RCAN1: variants seen among roughly 807,000 people sequenced by gnomAD.
The protein encoded by RCAN1 is regulator of calcineurin 1, also known as calcipressin-1.
A neutral mutation model predicts 22.9 loss-of-function variants in RCAN1; 11 were observed. That is an observed-to-expected ratio of 0.48 (90% CI 0.30 to 0.79). The LOEUF (loss-of-function observed/expected upper bound fraction) is 0.79. Among genes scored for constraint, RCAN1 ranks in the 30% least tolerant of loss-of-function variants. The probability of loss-of-function intolerance (pLI) is 0.06; values close to 1 mark genes in which losing one functional copy is unlikely to be tolerated. For missense variants in RCAN1, 291 were observed against 337.8 expected, an observed-to-expected ratio of 0.86 and a Z score of 1.09; for synonymous variants, 136 against 142.3, an observed-to-expected ratio of 0.96 and a Z score of 0.32.
intron 1 of RCAN1, among the ~76,000 whole-genome samples, chr21:34,533,555 CATTT>C (rs1444053423): frequency 3.3e-5 from 5 of 152,248 alleles, no homozygotes; most frequent in Admixed American, 1.3e-4. Context: ...TTTATTCATT[CATTT>C]GTCTAAACAC....
chr21:34,574,814 G>C (rs1438722405), intron 1 of RCAN1, among the ~76,000 whole-genome samples: 2 of 152,214 alleles, frequency 1.3e-5, no homozygotes, highest in Non-Finnish European at 2.9e-5. Context: ...TCAGAAGCTA[G>C]ACCTACTCAG....
chr21:34,582,573 C>T (rs946586825), intron 1 of RCAN1, among the ~76,000 whole-genome samples: 1 of 152,246 alleles, frequency 6.6e-6, no homozygotes, highest in Middle Eastern at 3.4e-3. Flanking sequence ...CAGAGTAGCC[C>T]AGCTGTGGTA....
Position 34,614,871 on chromosome 21 carries a change from G to T in RCAN1, c.141C>A (p.Gly47=). 1 of 1,460,698 alleles carries T rather than the reference G, an allele frequency of 6.8e-7. No individual in the cohort carries two copies. 90.5% of individuals were successfully genotyped at this position (1,460,698 alleles called of 1,614,324 possible). The change falls in exon 1 of 4, where the codon GGC becomes GGA. Residue 47 remains glycine, a synonymous_variant. Transcript: ENST00000313806. This position sits in a 1 kb window ranked among gnomAD's most constrained non-coding sequence, Gnocchi z 6.0. ...TCTCGCAGTCAATGAAGCTCCAGTC[G>T]CCGCCGCCCTCGTCCGCCTCGGCCG... The part of the protein sequence containing the change: ...SGAAEADEGG[G]DWSFIDCEME...
chr21:34,599,457 G>A (rs2284607), intron 1 of RCAN1, among the ~76,000 whole-genome samples: 8,947 of 152,308 alleles, frequency 0.059, 346 homozygotes, highest in East Asian at 0.16. Flanking sequence ...CTGGGCGACA[G>A]AGTGAGACTG....
chr21:34,527,317 T>C (rs1161750193), intron 1 of RCAN1, among the ~76,000 whole-genome samples: 3 of 121,656 alleles, frequency 2.5e-5, no homozygotes, highest in Non-Finnish European at 5.5e-5. Flanking sequence ...TGGAATTTCC[T>C]GAAAACCTCA....
At chr21:34,585,567 T>C (rs1420805658) in intron 1 of RCAN1, among the ~76,000 whole-genome samples, 5 of 151,482 alleles carry the variant, frequency 3.3e-5, no homozygotes, top group South Asian at 2.1e-4. Flanking sequence ...CACGGTGAAA[T>C]CCCGTCTCCA....
intron 1 of RCAN1, among the ~76,000 whole-genome samples, chr21:34,536,369 T>G (rs186365039): frequency 1.2e-4 from 18 of 152,340 alleles, no homozygotes; most frequent in African/African-American, 4.1e-4. Context: ...GGCACAGCAC[T>G]GCAGCAGCAA....
chr21:34,519,077 T>C (rs1207714369), intron 3 of RCAN1, among the ~76,000 whole-genome samples: 1 of 152,186 alleles, frequency 6.6e-6, no homozygotes, highest in African/African-American at 2.4e-5. Context: ...TTATTCTGCT[T>C]CCCTGTGCAC....
intron 1 of RCAN1, among the ~76,000 whole-genome samples, chr21:34,538,465 ACCACAGCTACTG>A (rs1436116872): frequency 7.1e-6 from 1 of 141,252 alleles, no homozygotes; most frequent in African/African-American, 2.9e-5. Flanking sequence ...ACTGTGATCA[ACCACAGCTACTG>A]CCAACTCCCC....
At chr21:34,539,018 A>T (rs187637440) in intron 1 of RCAN1, among the ~76,000 whole-genome samples, 89 of 152,258 alleles carry the variant, frequency 5.8e-4, no homozygotes, top group Non-Finnish European at 9.4e-4. Flanking sequence ...TGCTTATTCC[A>T]CTCCAAATCA....
chr21:34,605,919 CAGAAAA>C (rs763312334), intron 1 of RCAN1, among the ~76,000 whole-genome samples: 2 of 135,872 alleles, frequency 1.5e-5, no homozygotes, highest in East Asian at 2.2e-4. Context: ...GACTCGGTCT[CAGAAAA>C]AAAAAAAAAA....
intron 1 of RCAN1, among the ~76,000 whole-genome samples, chr21:34,568,389 TG>T (rs543167455): frequency 8.2e-4 from 125 of 152,356 alleles, no homozygotes; most frequent in Middle Eastern, 3.4e-3. Flanking sequence ...TGACCTCAAA[TG>T]TTTTTTTAAC....
chr21:34,578,699 T>C (rs1179472384), intron 1 of RCAN1, among the ~76,000 whole-genome samples: 1 of 152,160 alleles, frequency 6.6e-6, no homozygotes, highest in Non-Finnish European at 1.5e-5. Flanking sequence ...TCCTGAACTT[T>C]GTGGGTTCTC....
chr21:34,582,802 G>A (rs140115440), intron 1 of RCAN1, among the ~76,000 whole-genome samples: 7 of 152,278 alleles, frequency 4.6e-5, no homozygotes, highest in African/African-American at 7.2e-5. Context: ...AGGCTTCCGC[G>A]ATAACACAGG....
At chr21:34,605,919 C>A (rs62211944) in intron 1 of RCAN1, among the ~76,000 whole-genome samples, 1 of 135,874 alleles carries the variant, frequency 7.4e-6, no homozygotes, top group African/African-American at 2.8e-5. Flanking sequence ...GACTCGGTCT[C>A]AGAAAAAAAA....
At position 34,614,499 on chromosome 21, in the gene RCAN1, C is replaced by T. The variant is rs931272262; in HGVS notation, c.252+261G>A. 4 of 1,041,800 alleles carry T rather than the reference C, an allele frequency of 3.8e-6. No individual in the cohort carries two copies. The African/African-American group carries it at 6.8e-5, about 18-fold the overall frequency. 64.5% of individuals were successfully genotyped at this position (1,041,800 alleles called of 1,614,324 possible). ...GAATTCACCCCCCTAGTCGCACCAGCCTGGGCGCACACGGGGGCCGGGGCG... is the reference window on the plus strand; with the variant it reads ...GAATTCACCCCCCTAGTCGCACCAGTCTGGGCGCACACGGGGGCCGGGGCG... On this transcript the variant is annotated intron_variant, in intron 1 of 3. Transcript: ENST00000313806. The surrounding 1 kb of genome is among the most constrained non-coding windows in gnomAD (Gnocchi z 6.0).
chr21:34,540,200 T>C (rs1000003308), intron 1 of RCAN1, among the ~76,000 whole-genome samples: 2 of 152,144 alleles, frequency 1.3e-5, no homozygotes, highest in Non-Finnish European at 2.9e-5. Flanking sequence ...TATAAGGCCT[T>C]CCCAGAGAAT....
chr21:34,582,033 G>A (rs1295813133), intron 1 of RCAN1, among the ~76,000 whole-genome samples: 3 of 152,148 alleles, frequency 2.0e-5, no homozygotes, highest in African/African-American at 4.8e-5. Context: ...TTCTGGGCAC[G>A]AGGTAGGGGA....
At position 34,609,228 on chromosome 21, in the gene RCAN1, C is replaced by A. The variant is rs371784821; in HGVS notation, c.252+5532G>T. Among the ~76,000 whole-genome samples the A allele has an allele frequency of 2.0e-5, 3 of 152,340 alleles. No homozygotes were observed. The East Asian group carries it at 5.8e-4, about 29-fold the overall frequency. Reference sequence around the variant, plus strand: ...GTATAGCCTCCTAATGCTCAGAGATCATGGCAGAGTGATCGGCTGTGTCTC... The same window carrying A: ...GTATAGCCTCCTAATGCTCAGAGATAATGGCAGAGTGATCGGCTGTGTCTC... On this transcript the variant is annotated intron_variant, in intron 1 of 3. Coordinates refer to ENST00000313806, the MANE Select transcript of RCAN1 (RefSeq NM_004414.7).
Sources: gnomAD v4.1 joint callset for allele counts (sites outside exome capture counted in the v4.1 genomes callset) on GRCh38, gnomAD v4.1.1 for gene constraint, Gnocchi (gnomAD v3.1) non-coding constraint, MANE v1.5 for transcripts, NCBI Gene and HGNC (gene_info 2026-07-23, HGNC 2026-07-21) for gene names.